Variants in IQSEC3 observed in about 807,000 individuals in gnomAD.
IQSEC3 encodes the protein IQ motif and Sec7 domain ArfGEF 3.
In IQSEC3, 50 loss-of-function variants were observed where a neutral mutation model predicts 105.4. That is an observed-to-expected ratio of 0.47 (90% confidence interval 0.38 to 0.60). The LOEUF (loss-of-function observed/expected upper bound fraction) is 0.60, where lower values mean the gene tolerates loss of function less well. Among genes scored for constraint, IQSEC3 ranks in the 20% least tolerant of loss-of-function variants. The pLI is 0.00. For synonymous variants in IQSEC3, 708 were observed against 746.0 expected, an observed-to-expected ratio of 0.95 and a Z score of 0.83; for missense variants, 1,415 against 1,630.0, an observed-to-expected ratio of 0.87 and a Z score of 2.27.
chr12:84,980 G>C (rs1376019370), intron 1 of IQSEC3, among the ~76,000 whole-genome samples: 1 of 152,194 alleles, frequency 6.6e-6, no homozygotes, highest in African/African-American at 2.4e-5. Context: ...AAAAGTCAGA[G>C]CTGTGGGTCC....
At chr12:155,851 T>A (rs1160195575) in intron 5 of IQSEC3, among the ~76,000 whole-genome samples, 1 of 152,060 alleles carries the variant, frequency 6.6e-6, no homozygotes, top group Non-Finnish European at 1.5e-5. Context: ...CCATAGCCAG[T>A]GGGAGGAGAC....
chr12:158,812 C>T (rs1371498602), intron 7 of IQSEC3, among the ~76,000 whole-genome samples: 6 of 152,164 alleles, frequency 3.9e-5, no homozygotes, highest in Non-Finnish European at 7.4e-5. Flanking sequence ...GTGTGCACCA[C>T]CACACCCAGC....
chr12:153,077 A>T (rs1039664146), intron 5 of IQSEC3, among the ~76,000 whole-genome samples: 9 of 152,014 alleles, frequency 5.9e-5, no homozygotes, highest in East Asian at 1.9e-4. Context: ...AGCAGGACAG[A>T]GAGTGAGAGA....
rs2137079581 is a variant in IQSEC3, at chr12:176,304, C to G, written c.*1271C>G. 3 of 152,524 alleles carry G rather than the reference C, an allele frequency of 2.0e-5. No homozygotes were observed. The South Asian group carries it at 6.2e-4, about 32-fold the overall frequency. 9.4% of individuals were successfully genotyped at this position (152,524 alleles called of 1,614,324 possible). On this transcript the variant is annotated 3_prime_UTR_variant, in exon 14 of 14. Coordinates refer to ENST00000538872, the MANE Select transcript of IQSEC3 (RefSeq NM_001170738.2). The surrounding 1 kb of genome is among the most constrained non-coding windows in gnomAD (Gnocchi z 4.0). Reference sequence around the variant, plus strand: ...CCCAAGCCTGGGGAAGGGCCCCTCCCCAGCCAGACGAGAGGCAGCCACCCC... The same window carrying G: ...CCCAAGCCTGGGGAAGGGCCCCTCCGCAGCCAGACGAGAGGCAGCCACCCC...
At chr12:77,112 C>T (rs1347721330) in intron 1 of IQSEC3, among the ~76,000 whole-genome samples, 1 of 152,262 alleles carries the variant, frequency 6.6e-6, no homozygotes, top group Non-Finnish European at 1.5e-5. Context: ...TCCGTGTTTC[C>T]CGCGCACAGC....
chr12:178,380 T>C lies in IQSEC3; in HGVS notation c.*3347T>C, dbSNP rs1939302012. 1 of 152,256 alleles carries C rather than the reference T, an allele frequency of 6.6e-6. No homozygotes were observed. The highest frequency in any genetic ancestry group is 1.5e-5 in the Non-Finnish European group (1 of 68,054). 9.4% of individuals were successfully genotyped at this position (152,256 alleles called of 1,614,324 possible). ...ACTAATCCAAATGGCAAATATTTTG[T>C]AACAAAATAGCCCAGAGGTATTTTA... is the stretch of plus-strand genomic sequence containing the variant. On this transcript the variant is annotated 3_prime_UTR_variant, in exon 14 of 14. Coordinates refer to ENST00000538872, the MANE Select transcript of IQSEC3 (RefSeq NM_001170738.2).
In IQSEC3 at chr12:138,208, GAAGGGCTGACCACCCTTCCCCTCTGA is replaced by G; in HGVS notation, c.904-58_904-33del. 1 of 1,491,414 alleles carries G rather than the reference GAAGGGCTGACCACCCTTCCCCTCTGA, an allele frequency of 6.7e-7. No individual in the cohort carries two copies. Among genetic ancestry groups the G allele is most frequent in the Non-Finnish European group, 9.2e-7 (1 of 1,092,686 alleles). 92.4% of individuals were successfully genotyped at this position (1,491,414 alleles called of 1,614,324 possible). A position where few individuals can be genotyped will look rare whatever the true frequency, so the allele number is the denominator to read the frequency against. ...GGCCGGGTGACTCCACCACTCCTCA[GAAGGGCTGACCACCCTTCCCCTCTGA>G]GCCCTTCCTCCTCTCTGTCCTCGTC... On this transcript the variant is annotated intron_variant, in intron 3 of 13. Transcript: ENST00000538872. The surrounding 1 kb of genome is among the most constrained non-coding windows in gnomAD (Gnocchi z 7.1).
At chr12:89,081 G>C (rs1450728050) in intron 1 of IQSEC3, among the ~76,000 whole-genome samples, 1 of 152,088 alleles carries the variant, frequency 6.6e-6, no homozygotes, top group African/African-American at 2.4e-5. Flanking sequence ...AGTAGGGGCT[G>C]GGTCTGCATC....
intron 3 of IQSEC3, among the ~76,000 whole-genome samples, chr12:129,867 T>C (rs1431628333): frequency 6.6e-6 from 1 of 152,086 alleles, no homozygotes; most frequent in Admixed American, 6.5e-5. Context: ...CCAGCCTCAC[T>C]ATGGGGCACC....
Position 137,882 on chromosome 12 carries a change from G to A in IQSEC3, c.904-385G>A, listed in dbSNP as rs181849530. Among the ~76,000 whole-genome samples the A allele has an allele frequency of 3.9e-3, 581 of 150,892 alleles. 1 individual carries two copies. The highest frequency in any genetic ancestry group is 5.7e-3 in the Admixed American group (87 of 15,178). On this transcript the variant is annotated intron_variant, in intron 3 of 13. Transcript: ENST00000538872. ...TCTAGCTATGTTGCCCAGCCTGGTC[G>A]CAAACTCCTGAGCTCAAGCAATCTT...
intron 3 of IQSEC3, among the ~76,000 whole-genome samples, chr12:126,537 G>A (rs1239915039): frequency 1.4e-5 from 2 of 143,798 alleles, no homozygotes; most frequent in Non-Finnish European, 3.0e-5. Context: ...CAAGAGTCTT[G>A]ATGGAAGGTG....
intron 1 of IQSEC3, among the ~76,000 whole-genome samples, chr12:82,269 A>G (rs1863770019): frequency 6.6e-6 from 1 of 152,330 alleles, no homozygotes; most frequent in East Asian, 1.9e-4. Flanking sequence ...GTGAAATGAT[A>G]TTTCTGGGGC....
At chr12:160,923 T>G (rs1565445135) in intron 7 of IQSEC3, among the ~76,000 whole-genome samples, 1 of 152,160 alleles carries the variant, frequency 6.6e-6, no homozygotes, top group Non-Finnish European at 1.5e-5. Context: ...TCCCGAGTAT[T>G]CAGAAGCAGC....
At chr12:97,803 T>A (rs11064062) in intron 1 of IQSEC3, among the ~76,000 whole-genome samples, 83,817 of 152,058 alleles carry the variant, frequency 0.55, 24,129 homozygotes, top group African/African-American at 0.67. Flanking sequence ...GTCTCTAAAA[T>A]AACAAACAAA....
At position 139,123 on chromosome 12, in the gene IQSEC3, C is replaced by T; in HGVS notation, c.1760C>T (p.Ala587Val). Residue 587 changes from alanine (A) to valine (V), a missense_variant, in exon 4 of 14, where the codon GCC becomes GTC. This residue lies in a region of IQSEC3 where 720 missense variants were observed against 633.0 expected (regional missense o/e 1.14). Transcript: ENST00000538872. ...EEETAEVGRG[A>V]EAEAGDLEQL... ...GAGACGGCGGAGGTGGGGAGAGGGG[C>T]CGAGGCCGAGGCAGGCGACTTGGAG... 1 of 1,513,962 alleles carries T rather than the reference C, an allele frequency of 6.6e-7. No homozygotes were observed. The highest frequency in any genetic ancestry group is 1.4e-5 in the African/African-American group (1 of 72,446). 93.8% of individuals were successfully genotyped at this position (1,513,962 alleles called of 1,614,324 possible). A position where few individuals can be genotyped will look rare whatever the true frequency, so the allele number is the denominator to read the frequency against.
At chr12:76,083 TC>T (rs1863508877) in intron 1 of IQSEC3, among the ~76,000 whole-genome samples, 1 of 137,388 alleles carries the variant, frequency 7.3e-6, no homozygotes, top group Admixed American at 7.5e-5. Flanking sequence ...AGTGAGAGTT[TC>T]ATCACACACA....
chr12:103,815 T>G (rs1224307625), intron 2 of IQSEC3, among the ~76,000 whole-genome samples: 1 of 5,942 alleles, frequency 1.7e-4, no homozygotes, highest in Non-Finnish European at 3.2e-4. Flanking sequence ...GGGACTCAGG[T>G]GGGGAGGCAG....
intron 13 of IQSEC3, 184 bp downstream of exon 13, chr12:171,345 C>A: frequency 6.2e-7 from 1 of 1,606,506 alleles, no homozygotes; most frequent in Non-Finnish European, 8.5e-7. Flanking sequence ...ACTGTTCCAG[C>A]GCCTAATTAA....
chr12:139,170 TCCA>T lies in IQSEC3; in HGVS notation c.1811_1813del (p.Thr604del). The T allele has an allele frequency of 6.3e-7, 1 of 1,576,450 alleles. No homozygotes were observed. Among genetic ancestry groups the T allele is most frequent in the Non-Finnish European group, 8.6e-7 (1 of 1,163,104 alleles). On this transcript the variant is annotated inframe_deletion, in exon 4 of 14. Transcript: ENST00000538872. ...GGAGCAGCTGAGCAGCAGCAGCACGTCCACCAAGTCCGCCAAGTCAGGCTCGGA... is the reference window on the plus strand; with the variant it reads ...GGAGCAGCTGAGCAGCAGCAGCACGTCCAAGTCCGCCAAGTCAGGCTCGGA...
Sources: gnomAD v4.1 joint callset for allele counts (sites outside exome capture counted in the v4.1 genomes callset) on GRCh38, gnomAD v4.1.1 for gene constraint, gnomAD v4.1.1 regional missense constraint, Gnocchi (gnomAD v3.1) non-coding constraint, MANE v1.5 for transcripts, NCBI Gene and HGNC (gene_info 2026-07-23, HGNC 2026-07-21) for gene names.